The following MIS18A variants were observed in gnomAD, a reference collection of about 807,000 sequenced individuals.
MIS18A encodes the protein MIS18 kinetochore protein A, also known as protein Mis18-alpha.
Under a neutral mutation model 25.0 loss-of-function variants are expected in MIS18A, and 14 were observed. The observed-to-expected ratio is 0.56, with a 90% confidence interval of 0.37 to 0.88. The LOEUF (loss-of-function observed/expected upper bound fraction) is 0.88. Among genes scored for constraint, MIS18A ranks in the 40% least tolerant of loss-of-function variants. MIS18A has a pLI of 0.00. For synonymous variants in MIS18A, 134 were observed against 118.6 expected (o/e 1.13, Z -0.84); for missense variants, 292 against 290.8 (o/e 1.00, Z -0.03).
chr21:32,196,819 T>G, the MIS18A span, among the ~76,000 whole-genome samples: 1 of 152,242 alleles, frequency 6.6e-6, no homozygotes, highest in Non-Finnish European at 1.5e-5. Flanking sequence ...ATAGGTCGGA[T>G]AGATAGATAA....
At chr21:32,185,094 C>G in the MIS18A span, among the ~76,000 whole-genome samples, 1 of 152,192 alleles carries the variant, frequency 6.6e-6, no homozygotes, top group Admixed American at 6.5e-5. Context: ...CAGCCCCTCT[C>G]TGTCAATCAA....
chr21:32,274,702 GAAC>G (rs2031778152), intron 2 of MIS18A, 125 bp downstream of exon 2: 1 of 720,522 alleles, frequency 1.4e-6, no homozygotes, highest in East Asian at 2.7e-5. Flanking sequence ...TGATATATGC[GAAC>G]GACTGATTTT....
the MIS18A span, among the ~76,000 whole-genome samples, chr21:32,212,624 G>A: frequency 0.37 from 56,271 of 151,850 alleles, 10,608 homozygotes; most frequent in East Asian, 0.45. Context: ...CAGGTCCCCA[G>A]GCTTTCACCT....
chr21:32,157,756 T>C, the MIS18A span, among the ~76,000 whole-genome samples: 1 of 152,188 alleles, frequency 6.6e-6, no homozygotes, highest in East Asian at 1.9e-4. Context: ...AAGCAACTCT[T>C]AAATAGTTTC....
chr21:32,272,184 C>A (rs922192711), intron 2 of MIS18A, among the ~76,000 whole-genome samples: 1 of 152,194 alleles, frequency 6.6e-6, no homozygotes, highest in Non-Finnish European at 1.5e-5. Flanking sequence ...TGCCAATAAT[C>A]GTAAGGTGAT....
chr21:32,270,338 T>G, intron 3 of MIS18A, 69 bp downstream of exon 3: 1 of 1,562,756 alleles, frequency 6.4e-7, no homozygotes, highest in Non-Finnish European at 8.8e-7. Flanking sequence ...TTGATTTAGT[T>G]CTGACAATTC....
chr21:32,179,391 C>A, the MIS18A span, among the ~76,000 whole-genome samples: 1 of 152,154 alleles, frequency 6.6e-6, no homozygotes, highest in Non-Finnish European at 1.5e-5. Context: ...CAACTTCACA[C>A]TTTGTGTGGG....
chr21:32,267,037 A>T (rs1421323588), downstream of MIS18A, among the ~76,000 whole-genome samples: 1 of 152,176 alleles, frequency 6.6e-6, no homozygotes. Flanking sequence ...CCATGCCACC[A>T]GGCTTCAGAG....
chr21:32,190,419 T>C, the MIS18A span, among the ~76,000 whole-genome samples: 1 of 152,308 alleles, frequency 6.6e-6, no homozygotes, highest in South Asian at 2.1e-4. Context: ...GCATTCCTGA[T>C]AGACACCCCT....
the MIS18A span, among the ~76,000 whole-genome samples, chr21:32,181,875 C>T: frequency 6.6e-6 from 1 of 152,158 alleles, no homozygotes; most frequent in Non-Finnish European, 1.5e-5. Flanking sequence ...GGTAGCTAAG[C>T]TGAGGTCTTC....
the MIS18A span, among the ~76,000 whole-genome samples, chr21:32,174,871 G>A: frequency 6.6e-6 from 1 of 152,250 alleles, no homozygotes; most frequent in Admixed American, 6.5e-5. Context: ...CCATATCCTG[G>A]TCATAACACA....
the MIS18A span, among the ~76,000 whole-genome samples, chr21:32,213,988 A>G: frequency 6.6e-6 from 1 of 152,168 alleles, no homozygotes; most frequent in African/African-American, 2.4e-5. Context: ...TTCATTATTC[A>G]GTCTACCACA....
intron 2 of MIS18A, among the ~76,000 whole-genome samples, chr21:32,274,484 G>C (rs1201008080): frequency 6.6e-6 from 1 of 151,924 alleles, no homozygotes; most frequent in Non-Finnish European, 1.5e-5. Flanking sequence ...GGGATTACAG[G>C]CGTGAGCCAC....
At chr21:32,163,709 G>T in the MIS18A span, among the ~76,000 whole-genome samples, 1 of 152,114 alleles carries the variant, frequency 6.6e-6, no homozygotes, top group Admixed American at 6.5e-5. Flanking sequence ...CTTCCCAAAG[G>T]CTCTTTTTGG....
At chr21:32,274,440 C>CG (rs1438572762) in intron 2 of MIS18A, among the ~76,000 whole-genome samples, 1 of 151,890 alleles carries the variant, frequency 6.6e-6, no homozygotes, top group Non-Finnish European at 1.5e-5. Context: ...CCTGACCCCC[C>CG]GGTGATCTGC....
At chr21:32,242,221 T>C in the MIS18A span, among the ~76,000 whole-genome samples, 4 of 152,298 alleles carry the variant, frequency 2.6e-5, no homozygotes, top group East Asian at 1.9e-4. Context: ...CTGAGAGCGA[T>C]TGAATTTTCC....
At chr21:32,258,686 A>G in the MIS18A span, among the ~76,000 whole-genome samples, 1 of 152,226 alleles carries the variant, frequency 6.6e-6, no homozygotes. Flanking sequence ...CCAACATATA[A>G]AAGAACCATT....
the MIS18A span, among the ~76,000 whole-genome samples, chr21:32,195,117 C>A: frequency 6.6e-6 from 1 of 152,124 alleles, no homozygotes; most frequent in Non-Finnish European, 1.5e-5. Flanking sequence ...TGCACCAATT[C>A]TACGAAAAGA....
the MIS18A span, among the ~76,000 whole-genome samples, chr21:32,253,188 C>CA: frequency 6.6e-6 from 1 of 152,136 alleles, no homozygotes; most frequent in South Asian, 2.1e-4. Context: ...CAGAGTTGTG[C>CA]ACTGATGGCC....
Sources: allele counts gnomAD v4.1 joint callset (sites outside exome capture counted in the v4.1 genomes callset), GRCh38; gene constraint gnomAD v4.1.1; transcripts MANE v1.5; gene names NCBI Gene and HGNC (gene_info 2026-07-23, HGNC 2026-07-21).